SRSF6: variants seen among roughly 807,000 people sequenced by gnomAD.
SRSF6 encodes the protein serine and arginine rich splicing factor 6.
SRSF6 carries 17 observed loss-of-function variants against 42.0 expected under a neutral mutation model. The observed-to-expected ratio is 0.40, with a 90% CI of 0.28 to 0.61. The LOEUF (loss-of-function observed/expected upper bound fraction) is 0.61, where lower values mean the gene tolerates loss of function less well. Among genes scored for constraint, SRSF6 ranks in the 20% least tolerant of loss-of-function variants. SRSF6 has a pLI of 0.37. For synonymous variants in SRSF6, 204 were observed against 166.7 expected, an observed-to-expected ratio of 1.22 and a Z score of -1.72; for missense variants, 379 against 471.4, an observed-to-expected ratio of 0.80 and a Z score of 1.81.
At position 43,458,506 on chromosome 20, in the gene SRSF6, C is replaced by T; in HGVS notation, c.253C>T (p.Arg85Cys). The T allele has an allele frequency of 3.3e-6, 5 of 1,500,854 alleles. No homozygotes were observed. The highest frequency in any genetic ancestry group is 4.4e-6 in the Non-Finnish European group (5 of 1,131,678). 93.0% of individuals were successfully genotyped at this position (1,500,854 alleles called of 1,614,324 possible). A position where few individuals can be genotyped will look rare whatever the true frequency, so the allele number is the denominator to read the frequency against. Reference protein sequence around the residue: ...RDRDGYSYGSRSGGGGYSSRR... With the variant: ...RDRDGYSYGSCSGGGGYSSRR... ...TCGCGACGGCTACAGCTACGGAAGC[C>T]GCAGTGAGTCCCACCCCCGCGCGCT... The change falls in exon 2 of 6, where the codon CGC becomes TGC. Residue 85 changes from arginine to cysteine, a missense_variant. This residue lies in a region of SRSF6 where 117 missense variants were observed against 146.8 expected (regional missense o/e 0.80). Coordinates refer to ENST00000244020, the MANE Select transcript of SRSF6 (RefSeq NM_006275.6).
rs953745006 is a variant in SRSF6 at position 43,461,895 on chromosome 20, A to G, written c.*832A>G. 7.9e-5 allele frequency: 12 copies of G among 152,368 alleles called. No homozygotes were observed. Among genetic ancestry groups the G allele is most frequent in the African/African-American group, 2.6e-4 (11 of 41,582 alleles). The allele number at this position is 152,368 out of a possible 1,614,324, so 9.4% of individuals were successfully genotyped here. A position where few individuals can be genotyped will look rare whatever the true frequency, so the allele number is the denominator to read the frequency against. Reference sequence around the variant, plus strand: ...ACTTGGGATCTTGTTTAGAGAATCCACTTTCTGGAAGTTCTCAGCATAATT... The same window carrying G: ...ACTTGGGATCTTGTTTAGAGAATCCGCTTTCTGGAAGTTCTCAGCATAATT... On this transcript the variant is annotated 3_prime_UTR_variant, in exon 6 of 6. Coordinates refer to ENST00000244020, the MANE Select transcript of SRSF6 (RefSeq NM_006275.6).
intron 2 of SRSF6, among the ~76,000 whole-genome samples, 157 bp downstream of exon 2, chr20:43,458,666 T>C (rs2145321669): frequency 6.6e-6 from 1 of 152,250 alleles, no homozygotes; most frequent in East Asian, 1.9e-4. Flanking sequence ...GGGGCAGCCA[T>C]GGGACGCCGG....
rs936819951 is a variant in SRSF6 at position 43,462,362 on chromosome 20, A to G, written c.*1299A>G. On this transcript the variant is annotated 3_prime_UTR_variant, in exon 6 of 6. Transcript: ENST00000244020. ...AGTTGAAATTGCAGTTTGAGAAGTG[A>G]ATTAACCTTACATCCCTTTGTTCAG... The G allele has an allele frequency of 6.6e-6, 1 of 152,218 alleles. No individual in the cohort carries two copies. The highest frequency in any genetic ancestry group is 1.5e-5 in the Non-Finnish European group (1 of 68,038). The allele number at this position is 152,218 out of a possible 1,614,324, so 9.4% of individuals were successfully genotyped here.
chr20:43,460,195 A>C lies in SRSF6; in HGVS notation c.544A>C (p.Lys182Gln). 2 of 1,614,192 alleles carry C rather than the reference A, an allele frequency of 1.2e-6. No homozygotes were observed. The highest frequency in any genetic ancestry group is 2.2e-5 in the South Asian group (2 of 91,090). Reference protein sequence around the residue: ...NGRNIRLIEDKPRTSHRRSYS... With the variant: ...NGRNIRLIEDQPRTSHRRSYS... Reference sequence around the variant, plus strand: ...CAGAAATATTAGGCTTATTGAAGATAAGCCACGCACAAGCCATAGGCGATC... The same window carrying C: ...CAGAAATATTAGGCTTATTGAAGATCAGCCACGCACAAGCCATAGGCGATC... The change falls in exon 4 of 6, where the codon AAG becomes CAG. Residue 182 changes from lysine (K) to glutamine (Q), a missense_variant. Physicochemically the swap from Lys to Gln is moderately conservative, Grantham distance 53 (BLOSUM62 1). Coordinates refer to ENST00000244020, the MANE Select transcript of SRSF6 (RefSeq NM_006275.6).
chr20:43,461,337 G>GTTTGTTTTTTTTTTTTTTTT lies in SRSF6; in HGVS notation c.*277_*278insGTTTTTTTTTTTTTTTTTTT, dbSNP rs2017589449. The GTTTGTTTTTTTTTTTTTTTT allele has an allele frequency of 6.9e-5, 3 of 43,768 alleles. No individual in the cohort carries two copies. Among genetic ancestry groups the GTTTGTTTTTTTTTTTTTTTT allele is most frequent in the African/African-American group, 2.5e-4 (3 of 12,192 alleles). The allele number at this position is 43,768 out of a possible 1,614,324, so 2.7% of individuals were successfully genotyped here. Reference sequence around the variant, plus strand: ...GTAAAGATTAAGCTCATTTAGTGTTGTTTTTTTTTTTTTTTTTTTTTTTTT... The same window carrying GTTTGTTTTTTTTTTTTTTTT: ...GTAAAGATTAAGCTCATTTAGTGTTGTTTGTTTTTTTTTTTTTTTTTTTTTTTTTTTTTTTTTTTTTTTTT... On this transcript the variant is annotated 3_prime_UTR_variant, in exon 6 of 6. Transcript: ENST00000244020.
intron 1 of SRSF6, 79 bp downstream of exon 1, chr20:43,458,219 AGGCCGCGGCGCCGCGTGGCAG>A (rs2017529689): frequency 4.7e-6 from 7 of 1,484,574 alleles, no homozygotes; most frequent in South Asian, 3.7e-5. Context: ...GAAGCGGCCA[AGGCCGCGGCGCCGCGTGGCAG>A]GGCCTCAAAG....
In SRSF6 at chr20:43,460,761, T is replaced by A. The variant is rs2017572972; in HGVS notation, c.733T>A (p.Ser245Thr). The stretch of plus-strand genomic sequence containing the variant: ...TCGATCAAAAGGCAGGAAATCTAGA[T>A]CAAAGAGCAAATCTAAGCCCAAGTC... ...RSRSKGRKSRSKSKSKPKSDR... is the reference protein window; with the variant it reads ...RSRSKGRKSRTKSKSKPKSDR... The change falls in exon 6 of 6, where the codon TCA becomes ACA. Residue 245 changes from serine to threonine, a missense_variant. Physicochemically the swap from Ser to Thr is moderately conservative, Grantham distance 58. This residue lies in a region of SRSF6 where 219 missense variants were observed against 216.1 expected (regional missense o/e 1.01). Transcript: ENST00000244020. 4 of 1,614,060 alleles carry A rather than the reference T, an allele frequency of 2.5e-6. No individual in the cohort carries two copies.
At chr20:43,459,124 A>T in intron 2 of SRSF6, 1 of 1,350,004 alleles carries the variant, frequency 7.4e-7, no homozygotes, top group Non-Finnish European at 9.8e-7. Context: ...CAAACTTTTT[A>T]ACAAGTCCTT....
rs2017644706 is a variant in SRSF6, at chr20:43,463,876, A to G, written c.*2813A>G. 6.6e-6 allele frequency: 1 copy of G among 152,262 alleles called. No homozygotes were observed. Among genetic ancestry groups the G allele is most frequent in the Non-Finnish European group, 1.5e-5 (1 of 68,052 alleles). The allele number at this position is 152,262 out of a possible 1,614,324, so 9.4% of individuals were successfully genotyped here. The stretch of plus-strand genomic sequence containing the variant: ...AAAAGTCAAGAATATGAACAGTACA[A>G]GAGAGTACCATAACAAATACAATTT... On this transcript the variant is annotated 3_prime_UTR_variant, in exon 6 of 6. Coordinates refer to ENST00000244020, the MANE Select transcript of SRSF6 (RefSeq NM_006275.6).
rs1461688867 is a variant in SRSF6, at chr20:43,461,215, ATGAGGCTCTAAGGAAATGGT to A, written c.*153_*172del. The A allele has an allele frequency of 1.1e-5, 13 of 1,148,910 alleles. No individual in the cohort carries two copies. The African/African-American group carries it at 1.9e-4, about 17-fold the overall frequency. 71.2% of individuals were successfully genotyped at this position (1,148,910 alleles called of 1,614,324 possible). On this transcript the variant is annotated 3_prime_UTR_variant, in exon 6 of 6. Coordinates refer to ENST00000244020, the MANE Select transcript of SRSF6 (RefSeq NM_006275.6). Reference sequence around the variant, plus strand: ...TTTGTGGCCAAATTGGATGAAAAAGATGAGGCTCTAAGGAAATGGTGGCATGAAGACCCTCTCCCTTCTTT... The same window carrying A: ...TTTGTGGCCAAATTGGATGAAAAAGAGGCATGAAGACCCTCTCCCTTCTTT...
At position 43,460,320 on chromosome 20, in the gene SRSF6, G is replaced by A. The variant is rs891040715; in HGVS notation, c.590+79G>A. 6.7e-6 allele frequency: 10 copies of A among 1,500,170 alleles called. No homozygotes were observed. In the African/African-American group the frequency reaches 1.4e-4, roughly 21 times the overall value. The allele number at this position is 1,500,170 out of a possible 1,614,324, so 92.9% of individuals were successfully genotyped here. The stretch of plus-strand genomic sequence containing the variant: ...GAGTAATTGAGTGATGTCAATTGTT[G>A]CCTACTTGAATTAAAGCCAGCTTTT... On this transcript the variant is annotated intron_variant, in intron 4 of 5. Coordinates refer to ENST00000244020, the MANE Select transcript of SRSF6 (RefSeq NM_006275.6).
At chr20:43,460,340 G>A in intron 4 of SRSF6, 99 bp downstream of exon 4, 1 of 1,438,926 alleles carries the variant, frequency 6.9e-7, no homozygotes, top group Non-Finnish European at 9.6e-7. Context: ...ATTAAAGCCA[G>A]CTTTTAGTTT....
rs1345262845 is a variant in SRSF6 at position 43,461,474 on chromosome 20, G to A, written c.*411G>A. ...GCTTTGAATACTTAAGGCTTTAGAG[G>A]GAGAACCCAATTTTCAATTATGTTG... On this transcript the variant is annotated 3_prime_UTR_variant, in exon 6 of 6. Coordinates refer to ENST00000244020, the MANE Select transcript of SRSF6 (RefSeq NM_006275.6). 2 of 155,478 alleles carry A rather than the reference G, an allele frequency of 1.3e-5. No homozygotes were observed. The highest frequency in any genetic ancestry group is 2.8e-5 in the Non-Finnish European group (2 of 70,790). The allele number at this position is 155,478 out of a possible 1,614,324, so 9.6% of individuals were successfully genotyped here. A position where few individuals can be genotyped will look rare whatever the true frequency, so the allele number is the denominator to read the frequency against.
Position 43,463,227 on chromosome 20 carries a change from G to C in SRSF6, c.*2164G>C, listed in dbSNP as rs563947360. 3.9e-5 allele frequency: 6 copies of C among 154,756 alleles called. No individual in the cohort carries two copies. Among genetic ancestry groups the C allele is most frequent in the Non-Finnish European group, 8.8e-5 (6 of 68,222 alleles). The allele number at this position is 154,756 out of a possible 1,614,324, so 9.6% of individuals were successfully genotyped here. A position where few individuals can be genotyped will look rare whatever the true frequency, so the allele number is the denominator to read the frequency against. On this transcript the variant is annotated 3_prime_UTR_variant, in exon 6 of 6. Transcript: ENST00000244020. ...AATAGCCACGACCAATTTATTAACAGTCAGGGCCTATCCTTGCCTGTAGTT... is the reference window on the plus strand; with the variant it reads ...AATAGCCACGACCAATTTATTAACACTCAGGGCCTATCCTTGCCTGTAGTT...
chr20:43,460,239 C>G lies in SRSF6; in HGVS notation c.588C>G (p.Ser196=). The change falls in exon 4 of 6, where the codon TCC becomes TCG. Residue 196 remains serine, a splice_region_variant and synonymous_variant. Coordinates refer to ENST00000244020, the MANE Select transcript of SRSF6 (RefSeq NM_006275.6). ...SHRRSYSGSR[S]RSRSRRRSRS... is the part of the protein sequence containing the mutation. ...GGCGATCTTACTCTGGAAGCAGATC[C>G]AGGTAACTTGTTGAAGGACACTGTG... is the stretch of plus-strand genomic sequence containing the variant. The G allele has an allele frequency of 6.2e-7, 1 of 1,613,980 alleles. No homozygotes were observed.
rs950823180 is a variant in SRSF6 at position 43,460,919 on chromosome 20, C to T, written c.891C>T (p.Ser297=). 2 of 1,614,118 alleles carry T rather than the reference C, an allele frequency of 1.2e-6. No homozygotes were observed. The highest frequency in any genetic ancestry group is 3.3e-5 in the Admixed American group (2 of 60,004). Residue 297 remains serine, a synonymous_variant, in exon 6 of 6, where the codon AGC becomes AGT. Coordinates refer to ENST00000244020, the MANE Select transcript of SRSF6 (RefSeq NM_006275.6). ...GDIKSKSRSR[S]QSRSNSPLPV... The stretch of plus-strand genomic sequence containing the variant: ...TAAAGTCAAAATCCAGATCAAGGAG[C>T]CAGTCCCGTTCCAATTCGCCGCTAC...
At position 43,462,871 on chromosome 20, in the gene SRSF6, G is replaced by A. The variant is rs947093706; in HGVS notation, c.*1808G>A. On this transcript the variant is annotated 3_prime_UTR_variant, in exon 6 of 6. Transcript: ENST00000244020. ...GTTTATTTTTCCAGCATAAACCTCA[G>A]AATTTAAGGAAAGAAAATGATGTCT... 4.6e-5 allele frequency: 7 copies of A among 152,712 alleles called. No individual in the cohort carries two copies. Among genetic ancestry groups the A allele is most frequent in the Admixed American group, 1.3e-4 (2 of 15,292 alleles). The allele number at this position is 152,712 out of a possible 1,614,324, so 9.5% of individuals were successfully genotyped here.
chr20:43,462,638 A>T lies in SRSF6; in HGVS notation c.*1575A>T, dbSNP rs1181597314. The T allele has an allele frequency of 3.3e-5, 5 of 152,180 alleles. No individual in the cohort carries two copies. Among genetic ancestry groups the T allele is most frequent in the Non-Finnish European group, 7.3e-5 (5 of 68,036 alleles). The allele number at this position is 152,180 out of a possible 1,614,324, so 9.4% of individuals were successfully genotyped here. On this transcript the variant is annotated 3_prime_UTR_variant, in exon 6 of 6. Coordinates refer to ENST00000244020, the MANE Select transcript of SRSF6 (RefSeq NM_006275.6). ...TATACCTAATAAGATTGAGTGAAAA[A>T]TTTGAGTCAAATATCTAGGGCATTC...
In SRSF6 at chr20:43,461,280, G is replaced by T; in HGVS notation, c.*217G>T. 1 of 269,322 alleles carries T rather than the reference G, an allele frequency of 3.7e-6. No homozygotes were observed. The highest frequency in any genetic ancestry group is 5.7e-6 in the Non-Finnish European group (1 of 175,826). 16.7% of individuals were successfully genotyped at this position (269,322 alleles called of 1,614,324 possible). On this transcript the variant is annotated 3_prime_UTR_variant, in exon 6 of 6. Coordinates refer to ENST00000244020, the MANE Select transcript of SRSF6 (RefSeq NM_006275.6). ...TTCTTTGTAGAATTAAGATAACTTT[G>T]ATTTTATAGCTTTTGAGCTAACGTA...
Sources: gnomAD v4.1 joint callset for allele counts (sites outside exome capture counted in the v4.1 genomes callset) on GRCh38, gnomAD v4.1.1 for gene constraint, gnomAD v4.1.1 regional missense constraint, MANE v1.5 for transcripts, NCBI Gene and HGNC (gene_info 2026-07-23, HGNC 2026-07-21) for gene names.